The following EFR3B variants were observed in gnomAD, a reference collection of about 807,000 sequenced individuals.
EFR3B encodes the protein EFR3 homolog B.
EFR3B carries 64 observed loss-of-function variants against 104.7 expected under a neutral mutation model. The observed-to-expected ratio is 0.61, with a 90% CI of 0.50 to 0.75. The LOEUF is 0.75. EFR3B is among the 30% of genes least tolerant of loss of function. The pLI is 0.00. For missense variants in EFR3B, 750 were observed against 1,078.5 expected (o/e 0.70, Z 4.27); for synonymous variants, 385 against 417.9 (o/e 0.92, Z 0.96).
chr2:25,129,883 C>T, intron 6 of EFR3B, 92 bp from the exon 7 acceptor site: 1 of 1,478,580 alleles, frequency 6.8e-7, no homozygotes, highest in Non-Finnish European at 9.1e-7. Flanking sequence ...TCCTGCTTGT[C>T]TTGTGTGGAT....
chr2:25,156,290 G>GTTTTTTTTTTTTTTT lies in EFR3B; in HGVS notation c.*1961_*1975dup, dbSNP rs1034346702. The GTTTTTTTTTTTTTTT allele has an allele frequency of 1.5e-4, 11 of 71,752 alleles. No individual in the cohort carries two copies. Among genetic ancestry groups the GTTTTTTTTTTTTTTT allele is most frequent in the Admixed American group, 2.0e-4 (1 of 4,960 alleles). 4.4% of individuals were successfully genotyped at this position (71,752 alleles called of 1,614,324 possible). On this transcript the variant is annotated 3_prime_UTR_variant, in exon 23 of 23. Transcript: ENST00000403714. ...TGTGGGCACACAGCTTCTTTTTCTT[G>GTTTTTTTTTTTTTTT]TTTTTTTTTTTTTTTTTTTTTTTTT...
In EFR3B at chr2:25,130,599, G is replaced by A. The variant is rs1196121415; in HGVS notation, c.818G>A (p.Arg273His). 9 of 1,551,550 alleles carry A rather than the reference G, an allele frequency of 5.8e-6. No homozygotes were observed. Among genetic ancestry groups the A allele is most frequent in the East Asian group, 2.4e-5 (1 of 40,938 alleles). ...SLWEPKVFAI[R>H]CFKIIMYSIQ... ...TGGGAACCCAAGGTGTTTGCCATCC[G>A]TTGCTTTAAAATCATCATGTACTCA... Residue 273 changes from arginine (R) to histidine (H), a missense_variant, in exon 8 of 23, where the codon CGT becomes CAT. Physicochemically the swap from Arg to His is conservative, Grantham distance 29. Coordinates refer to ENST00000403714, the MANE Select transcript of EFR3B (RefSeq NM_014971.2). The surrounding 1 kb of genome is among the most constrained non-coding windows in gnomAD (Gnocchi z 4.6).
chr2:25,052,540 C>T (rs1178607075), intron 1 of EFR3B, among the ~76,000 whole-genome samples: 4 of 129,570 alleles, frequency 3.1e-5, no homozygotes, highest in Admixed American at 9.5e-5. Flanking sequence ...CTCGCTCTGT[C>T]GCCCAGGCTG....
chr2:25,045,668 G>C (rs1258350813), intron 1 of EFR3B, among the ~76,000 whole-genome samples: 1 of 152,104 alleles, frequency 6.6e-6, no homozygotes, highest in Non-Finnish European at 1.5e-5. Flanking sequence ...TGTAATCCCG[G>C]TTACTCGGGA....
chr2:25,130,595 A>G lies in EFR3B; in HGVS notation c.814A>G (p.Ile272Val), dbSNP rs1670301387. 6.4e-7 allele frequency: 1 copy of G among 1,551,714 alleles called. No homozygotes were observed. The highest frequency in any genetic ancestry group is 1.2e-5 in the South Asian group (1 of 84,062). The change falls in exon 8 of 23, where the codon ATC becomes GTC. Residue 272 changes from isoleucine to valine, a missense_variant. Physicochemically the swap from Ile to Val is conservative, Grantham distance 29. Transcript: ENST00000403714. The surrounding 1 kb of genome is among the most constrained non-coding windows in gnomAD (Gnocchi z 4.6). ...HSLWEPKVFAIRCFKIIMYSI... is the reference protein window; with the variant it reads ...HSLWEPKVFAVRCFKIIMYSI... ...TCTTTGGGAACCCAAGGTGTTTGCC[A>G]TCCGTTGCTTTAAAATCATCATGTA...
chr2:25,097,480 A>G (rs1669311208), intron 3 of EFR3B, among the ~76,000 whole-genome samples: 1 of 152,306 alleles, frequency 6.6e-6, no homozygotes, highest in African/African-American at 2.4e-5. Flanking sequence ...GGGTTTGACC[A>G]TATGGACATG....
chr2:25,104,932 GC>G (rs925333504), intron 4 of EFR3B, among the ~76,000 whole-genome samples: 3 of 152,160 alleles, frequency 2.0e-5, no homozygotes, highest in African/African-American at 7.2e-5. Flanking sequence ...GAAACTCCCT[GC>G]TTCTTGTGTG....
chr2:25,129,272 T>C (rs1459631864), intron 6 of EFR3B, among the ~76,000 whole-genome samples: 2 of 146,382 alleles, frequency 1.4e-5, no homozygotes, highest in African/African-American at 5.0e-5. Context: ...TGCACTAGGC[T>C]AGTTAGGTCG....
intron 1 of EFR3B, among the ~76,000 whole-genome samples, chr2:25,043,969 G>T (rs1026973967): frequency 6.6e-6 from 1 of 152,194 alleles, no homozygotes; most frequent in African/African-American, 2.4e-5. Flanking sequence ...TCGTTTACCC[G>T]AGATATCTGA....
intron 1 of EFR3B, among the ~76,000 whole-genome samples, chr2:25,073,595 A>T (rs10205444): frequency 6.6e-6 from 1 of 152,006 alleles, no homozygotes; most frequent in Non-Finnish European, 1.5e-5. Flanking sequence ...GAGCTCAAGT[A>T]ATCCACCTGC....
chr2:25,065,346 ATTT>A (rs749717958), intron 1 of EFR3B, among the ~76,000 whole-genome samples: 188 of 93,350 alleles, frequency 2.0e-3, no homozygotes, highest in African/African-American at 3.7e-3. Flanking sequence ...ACACCCAGCT[ATTT>A]TTTTTTTTTT....
intron 1 of EFR3B, among the ~76,000 whole-genome samples, chr2:25,052,986 A>G (rs977420249): frequency 6.6e-6 from 1 of 152,172 alleles, no homozygotes; most frequent in Non-Finnish European, 1.5e-5. Flanking sequence ...CAGTTATGTG[A>G]AAAGTCTGGG....
At chr2:25,146,090 T>G (rs993311649) in intron 19 of EFR3B, 35 of 151,416 alleles carry the variant, frequency 2.3e-4, no homozygotes, top group African/African-American at 6.3e-4. Context: ...ATGTTTTTTT[T>G]TTTTTTTTTT....
intron 6 of EFR3B, among the ~76,000 whole-genome samples, chr2:25,128,749 G>A (rs967981598): frequency 5.3e-5 from 8 of 151,700 alleles, no homozygotes; most frequent in Non-Finnish European, 1.0e-4. Flanking sequence ...ACGAGGTCAG[G>A]AGATCGAGAC....
In EFR3B at chr2:25,128,172, T is replaced by C. The variant is rs985796402; in HGVS notation, c.486-11T>C. 8 of 1,551,586 alleles carry C rather than the reference T, an allele frequency of 5.2e-6. No individual in the cohort carries two copies. Among genetic ancestry groups the C allele is most frequent in the Non-Finnish European group, 7.0e-6 (8 of 1,146,944 alleles). On this transcript the variant is annotated splice_polypyrimidine_tract_variant and intron_variant, in intron 5 of 22. Coordinates refer to ENST00000403714, the MANE Select transcript of EFR3B (RefSeq NM_014971.2). Reference sequence around the variant, plus strand: ...GGACTTCCGAGTCCCACTTCACCCTTTTCCTTACAGAATTCGAATGTCAGG... The same window carrying C: ...GGACTTCCGAGTCCCACTTCACCCTCTTCCTTACAGAATTCGAATGTCAGG...
intron 4 of EFR3B, among the ~76,000 whole-genome samples, chr2:25,120,645 A>AAAC (rs113749302): frequency 2.0e-5 from 3 of 151,658 alleles, no homozygotes; most frequent in South Asian, 2.1e-4. Flanking sequence ...TCCGTCTCAA[A>AAAC]AACAACAACA....
chr2:25,153,860 C>T, intron 22 of EFR3B, 99 bp downstream of exon 22: 1 of 1,224,904 alleles, frequency 8.2e-7, no homozygotes, highest in Admixed American at 2.0e-5. Context: ...TTCTCTCCTC[C>T]CCACCTCCTT....
intron 1 of EFR3B, among the ~76,000 whole-genome samples, chr2:25,074,023 G>A (rs1160731330): frequency 6.6e-6 from 1 of 152,210 alleles, no homozygotes; most frequent in Non-Finnish European, 1.5e-5. Context: ...AACCAGCCCT[G>A]TGTCTTGGCA....
intron 1 of EFR3B, among the ~76,000 whole-genome samples, chr2:25,053,369 C>T (rs957806128): frequency 1.1e-4 from 16 of 152,108 alleles, no homozygotes; most frequent in Admixed American, 6.6e-5. Context: ...CTGAGGAGGG[C>T]GGAAGACAGT....
Sources: gnomAD v4.1 joint callset for allele counts (sites outside exome capture counted in the v4.1 genomes callset) on GRCh38, gnomAD v4.1.1 for gene constraint, Gnocchi (gnomAD v3.1) non-coding constraint, MANE v1.5 for transcripts, NCBI Gene and HGNC (gene_info 2026-07-23, HGNC 2026-07-21) for gene names.